The following SHANK2 variants were observed in gnomAD, a reference collection of about 807,000 sequenced individuals.
The protein encoded by SHANK2 is SH3 and multiple ankyrin repeat domains protein 2.
A neutral mutation model predicts 133.7 loss-of-function variants in SHANK2; 43 were observed. That is an observed-to-expected ratio of 0.32 (90% CI 0.25 to 0.41). SHANK2 has a LOEUF of 0.41. SHANK2 is among the 10% of genes least tolerant of loss of function. The pLI is 1.00. For synonymous variants in SHANK2, 1,017 were observed against 952.8 expected, an observed-to-expected ratio of 1.07 and a Z score of -1.24; for missense variants, 1,994 against 2,235.8, an observed-to-expected ratio of 0.89 and a Z score of 2.18.
At chr11:70,494,439 G>A (rs1260617992) in intron 21 of SHANK2, among the ~76,000 whole-genome samples, 1 of 152,038 alleles carries the variant, frequency 6.6e-6, no homozygotes, top group Non-Finnish European at 1.5e-5. Context: ...GATTACAGGC[G>A]AGCACCACCA....
At chr11:70,620,122 C>G (rs533454934) in intron 17 of SHANK2, among the ~76,000 whole-genome samples, 2 of 152,064 alleles carry the variant, frequency 1.3e-5, no homozygotes, top group African/African-American at 2.4e-5. Flanking sequence ...AAGCCCTAGC[C>G]CCCTCCCAAA....
chr11:70,516,616 CTTAAA>C (rs1172676833), intron 17 of SHANK2, among the ~76,000 whole-genome samples: 4 of 152,298 alleles, frequency 2.6e-5, no homozygotes, highest in Non-Finnish European at 5.9e-5. Context: ...GTTGGACTTC[CTTAAA>C]TTAACTCTGC....
At chr11:71,244,225 C>T (rs1954931000) in intron 1 of SHANK2, among the ~76,000 whole-genome samples, 2 of 152,244 alleles carry the variant, frequency 1.3e-5, no homozygotes, top group African/African-American at 2.4e-5. Context: ...CTGGAAGGTG[C>T]CTCTGCATGC....
intron 11 of SHANK2, among the ~76,000 whole-genome samples, chr11:70,836,955 A>G (rs1433021809): frequency 1.3e-5 from 2 of 152,136 alleles, no homozygotes; most frequent in Admixed American, 6.5e-5. Context: ...TTGTAAGAAG[A>G]GACTTGAGAG....
intron 11 of SHANK2, among the ~76,000 whole-genome samples, chr11:70,836,696 G>A (rs573071137): frequency 1.3e-5 from 2 of 152,322 alleles, no homozygotes; most frequent in Admixed American, 6.5e-5. Context: ...GGGTGTCTCA[G>A]GACACATTCA....
intron 17 of SHANK2, among the ~76,000 whole-genome samples, chr11:70,584,297 T>G (rs2060220504): frequency 6.6e-6 from 1 of 152,210 alleles, no homozygotes; most frequent in Non-Finnish European, 1.5e-5. Context: ...CGATCCCGTG[T>G]GACAGGCCTA....
At chr11:71,241,143 TCTC>T (rs1374960463) in intron 1 of SHANK2, among the ~76,000 whole-genome samples, 4 of 152,070 alleles carry the variant, frequency 2.6e-5, no homozygotes. Context: ...CTAGGCAACT[TCTC>T]CTCTAAGGAG....
intron 11 of SHANK2, among the ~76,000 whole-genome samples, chr11:70,842,584 C>T (rs1039465800): frequency 6.6e-5 from 10 of 152,252 alleles, no homozygotes; most frequent in African/African-American, 2.2e-4. Context: ...GGGTCAGCAG[C>T]CCTGCACCGT....
intron 17 of SHANK2, among the ~76,000 whole-genome samples, chr11:70,632,762 A>C (rs1280280190): frequency 6.6e-6 from 1 of 152,186 alleles, no homozygotes; most frequent in East Asian, 1.9e-4. Flanking sequence ...TCCGGGCTGC[A>C]GAAGAACATA....
intron 17 of SHANK2, among the ~76,000 whole-genome samples, chr11:70,579,674 G>A (rs2060159648): frequency 6.6e-6 from 1 of 152,246 alleles, no homozygotes; most frequent in Non-Finnish European, 1.5e-5. Flanking sequence ...GCCTGCTGTG[G>A]TCAGCAAAGC....
At chr11:71,150,600 G>A (rs1952778069) in intron 2 of SHANK2, among the ~76,000 whole-genome samples, 1 of 151,920 alleles carries the variant, frequency 6.6e-6, no homozygotes, top group Admixed American at 6.6e-5. Flanking sequence ...TATATTTACT[G>A]TGCACCAATT....
chr11:70,783,121 G>C (rs1482894204), intron 14 of SHANK2, among the ~76,000 whole-genome samples: 1 of 152,144 alleles, frequency 6.6e-6, no homozygotes, highest in Non-Finnish European at 1.5e-5. Flanking sequence ...GCCAGGAAGA[G>C]GGCCCTTCCC....
intron 17 of SHANK2, among the ~76,000 whole-genome samples, chr11:70,599,929 A>T (rs1286301622): frequency 8.2e-6 from 1 of 121,754 alleles, no homozygotes; most frequent in African/African-American, 4.2e-5. Context: ...GAAAGAAAGA[A>T]AGAAAGAAAG....
intron 3 of SHANK2, among the ~76,000 whole-genome samples, chr11:71,146,861 T>C (rs1952658974): frequency 6.6e-6 from 1 of 151,924 alleles, no homozygotes; most frequent in South Asian, 2.1e-4. Context: ...ACACAGTAGG[T>C]GCCCAGTCAA....
At chr11:70,651,069 A>G (rs1050347743) in intron 17 of SHANK2, among the ~76,000 whole-genome samples, 1 of 152,218 alleles carries the variant, frequency 6.6e-6, no homozygotes, top group African/African-American at 2.4e-5. Context: ...AAGTTCACAC[A>G]GTTAGGAAGA....
At chr11:70,524,035 AGT>A (rs1482807049) in intron 17 of SHANK2, among the ~76,000 whole-genome samples, 1 of 152,194 alleles carries the variant, frequency 6.6e-6, no homozygotes. Flanking sequence ...ATTAACAGCC[AGT>A]GTCAACTGAG....
intron 12 of SHANK2, among the ~76,000 whole-genome samples, chr11:70,813,464 T>C (rs1357789452): frequency 6.6e-6 from 1 of 152,012 alleles, no homozygotes; most frequent in Non-Finnish European, 1.5e-5. Flanking sequence ...CCTGTGGCCA[T>C]CCCAGGGGAG....
intron 10 of SHANK2, among the ~76,000 whole-genome samples, chr11:70,901,283 T>C (rs1555076701): frequency 6.6e-6 from 1 of 152,192 alleles, no homozygotes; most frequent in African/African-American, 2.4e-5. Context: ...AGTTATGATA[T>C]AATCACAGGT....
chr11:70,596,308 T>TGGC (rs1285043763), intron 17 of SHANK2, among the ~76,000 whole-genome samples: 1 of 151,634 alleles, frequency 6.6e-6, no homozygotes, highest in Non-Finnish European at 1.5e-5. Context: ...CAGGCAGACC[T>TGGC]GGCGCCTGGG....
Sources: allele counts gnomAD v4.1 joint callset (sites outside exome capture counted in the v4.1 genomes callset), GRCh38; gene constraint gnomAD v4.1.1; transcripts MANE v1.5; gene names NCBI Gene and HGNC (gene_info 2026-07-23, HGNC 2026-07-21).